Variants in LOC128462377 observed in about 807,000 individuals in gnomAD.
the LOC128462377 span, among the ~76,000 whole-genome samples, chr16:89,393,488 T>C: frequency 9.8e-6 from 1 of 102,364 alleles, no homozygotes; most frequent in Non-Finnish European, 2.0e-5. Context: ...CATATCCAGC[T>C]GCTTTTTTTT....
chr16:89,331,825 G>A, the LOC128462377 span, among the ~76,000 whole-genome samples: 12 of 152,176 alleles, frequency 7.9e-5, no homozygotes, highest in Non-Finnish European at 1.8e-4. Context: ...AAGATACGGT[G>A]ATGGTTTTGA....
chr16:89,335,275 C>T, the LOC128462377 span, among the ~76,000 whole-genome samples: 1 of 152,194 alleles, frequency 6.6e-6, no homozygotes, highest in Non-Finnish European at 1.5e-5. Context: ...CCAGAAGAGG[C>T]CAGTGCACCC....
the LOC128462377 span, among the ~76,000 whole-genome samples, chr16:89,318,377 C>T: frequency 2.0e-5 from 3 of 152,230 alleles, no homozygotes; most frequent in African/African-American, 7.2e-5. Flanking sequence ...ATCATGTCCT[C>T]GCCGCACCGT....
the LOC128462377 span, among the ~76,000 whole-genome samples, chr16:89,368,810 G>A: frequency 9.9e-5 from 15 of 152,040 alleles, no homozygotes; most frequent in Admixed American, 3.3e-4. Flanking sequence ...AGAGGCAGGC[G>A]GGATCGCTTG....
the LOC128462377 span, among the ~76,000 whole-genome samples, chr16:89,340,277 T>C: frequency 2.0e-5 from 3 of 152,204 alleles, no homozygotes; most frequent in Non-Finnish European, 4.4e-5. Context: ...CTGTTGTAAT[T>C]TTTGTTGTTG....
the LOC128462377 span, among the ~76,000 whole-genome samples, chr16:89,368,831 TTG>T: frequency 6.6e-6 from 1 of 151,876 alleles, no homozygotes; most frequent in Non-Finnish European, 1.5e-5. Flanking sequence ...AGCCAGGAGG[TTG>T]ACGCCACAGT....
chr16:89,383,656 C>T, the LOC128462377 span, among the ~76,000 whole-genome samples: 3 of 152,106 alleles, frequency 2.0e-5, no homozygotes, highest in African/African-American at 7.2e-5. Flanking sequence ...AGACGTCGAG[C>T]CCCTACCCTC....
chr16:89,350,417 C>T, the LOC128462377 span, among the ~76,000 whole-genome samples: 7 of 152,164 alleles, frequency 4.6e-5, no homozygotes, highest in African/African-American at 1.7e-4. Flanking sequence ...AAACAACGGA[C>T]ATGTCTATAA....
chr16:89,374,938 A>G, the LOC128462377 span, among the ~76,000 whole-genome samples: 1 of 152,218 alleles, frequency 6.6e-6, no homozygotes, highest in Non-Finnish European at 1.5e-5. Flanking sequence ...GAAAAAAGTC[A>G]GAAAAAGTAT....
the LOC128462377 span, among the ~76,000 whole-genome samples, chr16:89,323,537 CTG>C: frequency 3.7e-5 from 3 of 80,098 alleles, no homozygotes; most frequent in African/African-American, 1.1e-4. Flanking sequence ...GGCAGGGGGG[CTG>C]AGCCGAGGGC....
At chr16:89,358,060 G>A in the LOC128462377 span, among the ~76,000 whole-genome samples, 1 of 152,202 alleles carries the variant, frequency 6.6e-6, no homozygotes, top group African/African-American at 2.4e-5. Context: ...AACAATGGAG[G>A]AAGTGAGTGA....
the LOC128462377 span, among the ~76,000 whole-genome samples, chr16:89,397,025 T>A: frequency 2.0e-5 from 3 of 147,556 alleles, no homozygotes; most frequent in African/African-American, 7.6e-5. Context: ...AATACAGGAT[T>A]TTTTTTTTTT....
the LOC128462377 span, among the ~76,000 whole-genome samples, chr16:89,352,188 C>A: frequency 6.6e-6 from 1 of 152,170 alleles, no homozygotes; most frequent in African/African-American, 2.4e-5. Context: ...TTGCACCTGG[C>A]CGATTATCTT....
the LOC128462377 span, among the ~76,000 whole-genome samples, chr16:89,387,805 C>G: frequency 1.3e-5 from 2 of 151,090 alleles, no homozygotes; most frequent in African/African-American, 4.9e-5. Flanking sequence ...GGGTTCAAGA[C>G]CAGCCTGGCC....
At chr16:89,398,244 A>C in the LOC128462377 span, among the ~76,000 whole-genome samples, 1 of 151,800 alleles carries the variant, frequency 6.6e-6, no homozygotes, top group Non-Finnish European at 1.5e-5. Flanking sequence ...GGAGGCTGAC[A>C]TGAGGGACAC....
chr16:89,325,787 G>A, the LOC128462377 span, among the ~76,000 whole-genome samples: 1 of 152,174 alleles, frequency 6.6e-6, no homozygotes, highest in Non-Finnish European at 1.5e-5. Context: ...CTATGTCCTT[G>A]CAAGGCCTCA....
At chr16:89,327,646 G>C in the LOC128462377 span, among the ~76,000 whole-genome samples, 1 of 152,064 alleles carries the variant, frequency 6.6e-6, no homozygotes, top group African/African-American at 2.4e-5. Flanking sequence ...ATGAAAACAA[G>C]AAATACACAG....
At chr16:89,333,018 G>A in the LOC128462377 span, among the ~76,000 whole-genome samples, 1 of 152,156 alleles carries the variant, frequency 6.6e-6, no homozygotes, top group Non-Finnish European at 1.5e-5. Flanking sequence ...AATTTCACAC[G>A]TGGTCCCCCA....
At chr16:89,363,775 G>C in the LOC128462377 span, among the ~76,000 whole-genome samples, 1 of 152,134 alleles carries the variant, frequency 6.6e-6, no homozygotes, top group African/African-American at 2.4e-5. Flanking sequence ...TGGAGTGCTA[G>C]CCCTATGCGG....
Sources: allele counts gnomAD v4.1 joint callset (sites outside exome capture counted in the v4.1 genomes callset), GRCh38; gene constraint gnomAD v4.1.1; transcripts MANE v1.5.